NAALAD2: variants seen among roughly 807,000 people sequenced by gnomAD.
The protein encoded by NAALAD2 is N-acetylated-alpha-linked acidic dipeptidase 2.
In NAALAD2, 89 loss-of-function variants were observed where a neutral mutation model predicts 95.6. That is an observed-to-expected ratio of 0.93 (90% CI 0.78 to 1.11). NAALAD2 has a LOEUF of 1.11. NAALAD2 is among the 50% of genes least tolerant of loss of function. The pLI, the probability that NAALAD2 is intolerant of heterozygous loss-of-function variation, is 0.00. For synonymous variants in NAALAD2, 264 were observed against 294.4 expected (o/e 0.90, Z 1.06); for missense variants, 894 against 872.4 (o/e 1.02, Z -0.31).
At chr11:90,178,217 A>G (rs1054046319) in intron 16 of NAALAD2, 100 bp downstream of exon 16, 9 of 1,311,634 alleles carry the variant, frequency 6.9e-6, no homozygotes, top group Non-Finnish European at 8.3e-6. Context: ...CCTAGAATAC[A>G]TATTTGCCTT....
intron 11 of NAALAD2, among the ~76,000 whole-genome samples, chr11:90,166,849 A>AAAG (rs1952468044): frequency 3.4e-5 from 5 of 148,882 alleles, no homozygotes; most frequent in Non-Finnish European, 3.0e-5. Flanking sequence ...AAAAAAAAAA[A>AAAG]AAAGAAAATG....
At chr11:90,172,411 G>A (rs749492036) in intron 13 of NAALAD2, among the ~76,000 whole-genome samples, 7 of 152,122 alleles carry the variant, frequency 4.6e-5, no homozygotes, top group Non-Finnish European at 8.8e-5. Context: ...CCTTCTACTT[G>A]AAGGCTGATG....
chr11:90,154,946 T>G (rs192005870), intron 6 of NAALAD2, among the ~76,000 whole-genome samples: 3 of 111,226 alleles, frequency 2.7e-5, no homozygotes, highest in African/African-American at 7.0e-5. Context: ...TATGTATATA[T>G]TATATACGTA....
chr11:90,170,202 C>T (rs1952594443), intron 13 of NAALAD2, 66 bp downstream of exon 13: 11 of 975,936 alleles, frequency 1.1e-5, no homozygotes, highest in Non-Finnish European at 1.5e-5. Flanking sequence ...GTGTGTTCCC[C>T]CCTAAATTAA....
At chr11:90,146,839 G>A (rs1951761115) in intron 2 of NAALAD2, among the ~76,000 whole-genome samples, 1 of 151,912 alleles carries the variant, frequency 6.6e-6, no homozygotes. Flanking sequence ...AGCACTAGGG[G>A]ATATGAAAAA....
At chr11:90,155,158 A>G (rs1325467151) in intron 6 of NAALAD2, among the ~76,000 whole-genome samples, 2 of 129,886 alleles carry the variant, frequency 1.5e-5, no homozygotes, top group Non-Finnish European at 3.1e-5. Context: ...ATATGTGTGT[A>G]TATATATTAT....
At chr11:90,139,618 A>G (rs1031112512) in intron 2 of NAALAD2, among the ~76,000 whole-genome samples, 1 of 152,110 alleles carries the variant, frequency 6.6e-6, no homozygotes, top group Admixed American at 6.6e-5. Context: ...GTATCAAACC[A>G]TCTTTTGCAG....
At position 90,150,531 on chromosome 11, in the gene NAALAD2, T is replaced by C. The variant is rs1951862041; in HGVS notation, c.533T>C (p.Leu178Pro). 1 of 1,611,512 alleles carries C rather than the reference T, an allele frequency of 6.2e-7. No individual in the cohort carries two copies. The highest frequency in any genetic ancestry group is 1.3e-5 in the African/African-American group (1 of 74,814). ...GCTCGCACTGAAGACTTTTTCAAAC[T>C]AGAAAGAGAGATGGGCATCAACTGT... ...NYARTEDFFK[L>P]EREMGINCTG... The change falls in exon 5 of 19, where the codon CTA becomes CCA. Residue 178 changes from leucine to proline, a missense_variant. Leu to Pro is a moderately conservative substitution (Grantham distance 98). Coordinates refer to ENST00000534061, the MANE Select transcript of NAALAD2 (RefSeq NM_005467.4).
At position 90,181,731 on chromosome 11, in the gene NAALAD2, A is replaced by ATT. The variant is rs531140027; in HGVS notation, c.1940+30_1940+31insTT. 2.7e-5 allele frequency: 15 copies of ATT among 551,118 alleles called. No individual in the cohort carries two copies. The African/African-American group carries it at 5.7e-4, about 21-fold the overall frequency. The allele number at this position is 551,118 out of a possible 1,614,324, so 34.1% of individuals were successfully genotyped here. The stretch of plus-strand genomic sequence containing the variant: ...GTTTCAAATCCCTTTTTTTTTAAAA[A>ATT]AAAAAAAAAAAGCAATCTGGTTACT... On this transcript the variant is annotated intron_variant, in intron 17 of 18. Coordinates refer to ENST00000534061, the MANE Select transcript of NAALAD2 (RefSeq NM_005467.4).
chr11:90,161,414 C>G (rs1952295388), intron 8 of NAALAD2, among the ~76,000 whole-genome samples: 1 of 152,084 alleles, frequency 6.6e-6, no homozygotes, highest in Admixed American at 6.6e-5. Flanking sequence ...CCAATTTTTC[C>G]TTACAGGATT....
At chr11:90,174,555 G>GA (rs1463486308) in intron 14 of NAALAD2, among the ~76,000 whole-genome samples, 5 of 151,968 alleles carry the variant, frequency 3.3e-5, no homozygotes, top group Non-Finnish European at 7.4e-5. Context: ...AGATGATAAT[G>GA]ATGAAAAGAC....
chr11:90,164,417 CTG>C (rs1298824805), intron 11 of NAALAD2: 3 of 152,202 alleles, frequency 2.0e-5, no homozygotes, highest in Non-Finnish European at 4.4e-5. Context: ...CATAGGTAAA[CTG>C]TGTCATGGGG....
chr11:90,151,115 C>T (rs1951877644), intron 5 of NAALAD2, among the ~76,000 whole-genome samples: 1 of 152,034 alleles, frequency 6.6e-6, no homozygotes, highest in South Asian at 2.1e-4. Flanking sequence ...GAGTATAGAA[C>T]CCTAGATCCA....
chr11:90,143,016 T>A (rs1193527570), intron 2 of NAALAD2, among the ~76,000 whole-genome samples: 1 of 152,074 alleles, frequency 6.6e-6, no homozygotes, highest in Non-Finnish European at 1.5e-5. Context: ...CCACCATCCT[T>A]TATAAAGTAG....
At chr11:90,164,515 A>G (rs1952382546) in intron 11 of NAALAD2, among the ~76,000 whole-genome samples, 2 of 152,098 alleles carry the variant, frequency 1.3e-5, no homozygotes, top group Admixed American at 1.3e-4. Flanking sequence ...GTAAACTTTT[A>G]CTCTTTCTGT....
At chr11:90,169,737 A>C (rs1952579494) in intron 12 of NAALAD2, 1 of 265,690 alleles carries the variant, frequency 3.8e-6, no homozygotes, top group South Asian at 5.7e-5. Context: ...GCATAGAATG[A>C]AACAAGTAAA....
chr11:90,149,061 A>T lies in NAALAD2; in HGVS notation c.437A>T (p.Asn146Ile). Reference protein sequence around the residue: ...PPPDGYENVTNIVPPYNAFSA... With the variant: ...PPPDGYENVTIIVPPYNAFSA... ...CCAGATGGCTATGAGAATGTTACAAATATTGTGCCACCATATAATGCTTTC... is the reference window on the plus strand; with the variant it reads ...CCAGATGGCTATGAGAATGTTACAATTATTGTGCCACCATATAATGCTTTC... Residue 146 changes from asparagine to isoleucine, a missense_variant, in exon 4 of 19, where the codon AAT becomes ATT. By Grantham distance (149) the Asn-to-Ile change is moderately radical (BLOSUM62 -3). Coordinates refer to ENST00000534061, the MANE Select transcript of NAALAD2 (RefSeq NM_005467.4). The T allele has an allele frequency of 6.2e-7, 1 of 1,607,380 alleles. No homozygotes were observed. Among genetic ancestry groups the T allele is most frequent in the East Asian group, 2.2e-5 (1 of 44,544 alleles).
At chr11:90,139,201 A>G (rs571254350) in intron 2 of NAALAD2, among the ~76,000 whole-genome samples, 83 of 152,302 alleles carry the variant, frequency 5.4e-4, no homozygotes, top group African/African-American at 1.9e-3. Context: ...GAATCAATCT[A>G]GAACATAGGT....
At chr11:90,148,177 C>T (rs957213078) in intron 3 of NAALAD2, among the ~76,000 whole-genome samples, 4 of 152,106 alleles carry the variant, frequency 2.6e-5, no homozygotes, top group African/African-American at 9.7e-5. Context: ...AGACAACGTC[C>T]TCTATGGATC....
Sources: allele counts gnomAD v4.1 joint callset (sites outside exome capture counted in the v4.1 genomes callset), GRCh38; gene constraint gnomAD v4.1.1; transcripts MANE v1.5; gene names NCBI Gene and HGNC (gene_info 2026-07-23, HGNC 2026-07-21).